CNTN5: variants seen among roughly 807,000 people sequenced by gnomAD.
CNTN5 encodes contactin 5.
A neutral mutation model predicts 129.1 loss-of-function variants in CNTN5; 77 were observed. That is an observed-to-expected ratio of 0.60 (90% CI 0.50 to 0.72). The LOEUF is 0.72. Ranked by LOEUF, CNTN5 falls within the 30% of genes least tolerant of loss-of-function variation. The pLI is 0.00. For synonymous variants in CNTN5, 509 were observed against 465.6 expected, an observed-to-expected ratio of 1.09 and a Z score of -1.20; for missense variants, 1,478 against 1,328.8, an observed-to-expected ratio of 1.11 and a Z score of -1.75.
rs374816549 is a variant in CNTN5 at position 99,870,535 on chromosome 11, CTT to C, written c.577+25279_577+25280del. Among the ~76,000 whole-genome samples the C allele has an allele frequency of 4.5e-3, 679 of 152,120 alleles. 3 individuals are homozygous for C. Among genetic ancestry groups the C allele is most frequent in the African/African-American group, 0.015 (622 of 41,518 alleles). On this transcript the variant is annotated intron_variant, in intron 6 of 24. Coordinates refer to ENST00000524871, the MANE Select transcript of CNTN5 (RefSeq NM_014361.4). Reference sequence around the variant, plus strand: ...CATAATGACAAGGTCACAAATACATCTTTTTTTACTGTGTAAGCCAACCAAAC... The same window carrying C: ...CATAATGACAAGGTCACAAATACATCTTTTTACTGTGTAAGCCAACCAAAC...
intron 1 of CNTN5, among the ~76,000 whole-genome samples, chr11:99,114,499 T>G (rs1857949584): frequency 6.6e-6 from 1 of 151,428 alleles, no homozygotes; most frequent in Non-Finnish European, 1.5e-5. Flanking sequence ...TCCTTCTTTT[T>G]TCTTTCCTTC....
At chr11:99,922,378 C>A (rs778207025) in intron 7 of CNTN5, among the ~76,000 whole-genome samples, 15 of 152,148 alleles carry the variant, frequency 9.9e-5, no homozygotes, top group Non-Finnish European at 2.1e-4. Context: ...CACACCAAAC[C>A]AAATTACAGA....
intron 16 of CNTN5, chr11:100,225,320 G>A (rs1233244964): frequency 6.6e-6 from 1 of 152,380 alleles, no homozygotes; most frequent in Admixed American, 6.5e-5. Context: ...ACCTCTCTAT[G>A]CAGAAATGAC....
intron 3 of CNTN5, among the ~76,000 whole-genome samples, chr11:99,803,314 T>C (rs1946170650): frequency 6.6e-6 from 1 of 152,194 alleles, no homozygotes; most frequent in Non-Finnish European, 1.5e-5. Flanking sequence ...CTTGTTACCC[T>C]GGAGAAACCA....
At chr11:99,121,843 G>A (rs1591228685) in intron 1 of CNTN5, among the ~76,000 whole-genome samples, 1 of 151,820 alleles carries the variant, frequency 6.6e-6, no homozygotes, top group Non-Finnish European at 1.5e-5. Flanking sequence ...AATAATGCAG[G>A]CAAGCATAAT....
chr11:99,939,749 C>T lies in CNTN5; in HGVS notation c.674-17057C>T, dbSNP rs58854789. 5.2e-3 allele frequency among the ~76,000 whole-genome samples: 788 copies of T among 151,956 alleles called. 7 individuals carry two copies. The highest frequency in any genetic ancestry group is 0.018 in the African/African-American group (752 of 41,434). Reference sequence around the variant, plus strand: ...CCCATTAGATCAAAGGTAAATAAGTCCCTTATCATTCTGTGCTGTGAATAT... The same window carrying T: ...CCCATTAGATCAAAGGTAAATAAGTTCCTTATCATTCTGTGCTGTGAATAT... On this transcript the variant is annotated intron_variant, in intron 7 of 24. Coordinates refer to ENST00000524871, the MANE Select transcript of CNTN5 (RefSeq NM_014361.4).
intron 17 of CNTN5, among the ~76,000 whole-genome samples, chr11:100,258,605 C>T (rs139726133): frequency 0.044 from 6,601 of 151,668 alleles, 191 homozygotes; most frequent in Middle Eastern, 0.12. Flanking sequence ...AGAAACTCTA[C>T]AAGCCAGAAG....
chr11:99,734,405 T>C (rs1221515532), intron 3 of CNTN5, among the ~76,000 whole-genome samples: 1 of 152,182 alleles, frequency 6.6e-6, no homozygotes, highest in African/African-American at 2.4e-5. Flanking sequence ...CAGAGGTACC[T>C]GGCCATGTTA....
chr11:99,900,503 A>G (rs1949327413), intron 6 of CNTN5, among the ~76,000 whole-genome samples: 1 of 152,034 alleles, frequency 6.6e-6, no homozygotes, highest in Admixed American at 6.6e-5. Context: ...CCTTTGCTGT[A>G]TCCCAGAGGT....
rs926120674 is a variant in CNTN5, at chr11:99,232,378, G to A, written c.-209-92968G>A. On this transcript the variant is annotated intron_variant, in intron 1 of 24. Transcript: ENST00000524871. ...AGAGGTCCTATCACTTCCTTTATTA[G>A]CTGTATTAGTAGGTATTTTATTCTC... is the stretch of plus-strand genomic sequence containing the variant. 2.0e-5 allele frequency among the ~76,000 whole-genome samples: 3 copies of A among 152,060 alleles called. No homozygotes were observed. In the South Asian group the frequency reaches 6.2e-4, roughly 32 times the overall value.
intron 1 of CNTN5, among the ~76,000 whole-genome samples, chr11:99,079,779 A>C (rs1029201178): frequency 1.1e-4 from 16 of 152,160 alleles, no homozygotes; most frequent in Non-Finnish European, 2.2e-4. Context: ...AAAGCCCTTA[A>C]TCACCCGTCA....
At chr11:99,835,449 T>C (rs1276742052) in intron 4 of CNTN5, among the ~76,000 whole-genome samples, 2 of 151,940 alleles carry the variant, frequency 1.3e-5, no homozygotes, top group Non-Finnish European at 2.9e-5. Flanking sequence ...GGTGAGGCAA[T>C]AGGGAAAAGG....
At chr11:99,812,750 T>C (rs993664091) in intron 3 of CNTN5, among the ~76,000 whole-genome samples, 2 of 152,080 alleles carry the variant, frequency 1.3e-5, no homozygotes, top group African/African-American at 4.8e-5. Flanking sequence ...TTTCATTCAG[T>C]AAAATGCGTG....
intron 2 of CNTN5, among the ~76,000 whole-genome samples, chr11:99,540,191 A>G (rs1165977399): frequency 1.3e-5 from 2 of 152,210 alleles, no homozygotes; most frequent in African/African-American, 4.8e-5. Context: ...AGTCTATAGA[A>G]GTAAGCACAG....
intron 2 of CNTN5, among the ~76,000 whole-genome samples, chr11:99,493,050 T>C (rs888090681): frequency 2.0e-5 from 3 of 152,156 alleles, no homozygotes; most frequent in Non-Finnish European, 4.4e-5. Flanking sequence ...CAGGAGACTG[T>C]TTGAAAGACC....
chr11:99,990,122 G>T (rs748463041), intron 8 of CNTN5, among the ~76,000 whole-genome samples: 2 of 152,056 alleles, frequency 1.3e-5, no homozygotes, highest in African/African-American at 2.4e-5. Flanking sequence ...ATATATAGTT[G>T]CTTTCTTCAG....
chr11:99,767,806 G>T (rs1249038665), intron 3 of CNTN5, among the ~76,000 whole-genome samples: 2 of 151,952 alleles, frequency 1.3e-5, no homozygotes, highest in African/African-American at 2.4e-5. Flanking sequence ...ATTAAATACT[G>T]TTATTTCCAC....
chr11:99,110,531 C>T (rs1857741749), intron 1 of CNTN5, among the ~76,000 whole-genome samples: 1 of 152,084 alleles, frequency 6.6e-6, no homozygotes, highest in Non-Finnish European at 1.5e-5. Context: ...AAAGGTGGTA[C>T]TTCTACTATT....
At chr11:99,901,142 G>A (rs1022207100) in intron 6 of CNTN5, among the ~76,000 whole-genome samples, 2 of 152,152 alleles carry the variant, frequency 1.3e-5, no homozygotes, top group Non-Finnish European at 2.9e-5. Context: ...ATTGTATAGT[G>A]TGTGGCAGGT....
Sources: gnomAD v4.1 joint callset for allele counts (sites outside exome capture counted in the v4.1 genomes callset) on GRCh38, gnomAD v4.1.1 for gene constraint, MANE v1.5 for transcripts, NCBI Gene and HGNC (gene_info 2026-07-23, HGNC 2026-07-21) for gene names.